Variants in TMEM167A observed in about 807,000 individuals in gnomAD.
TMEM167A encodes the protein protein kish-A.
TMEM167A carries 8 observed loss-of-function variants against 11.6 expected under a neutral mutation model. That is an observed-to-expected ratio of 0.69 (90% CI 0.40 to 1.24). TMEM167A has a LOEUF of 1.24. TMEM167A is among the 50% of genes most tolerant of loss of function. The probability of loss-of-function intolerance (pLI) is 0.01; values close to 1 mark genes in which losing one functional copy is unlikely to be tolerated. For missense variants in TMEM167A, 62 were observed against 87.0 expected (o/e 0.71, Z 1.14); for synonymous variants, 22 against 28.0 (o/e 0.79, Z 0.67).
In TMEM167A at chr5:83,062,554, G is replaced by A. The variant is rs372164642; in HGVS notation, c.114-643C>T. On this transcript the variant is annotated intron_variant, in intron 2 of 3. Coordinates refer to ENST00000502346, the MANE Select transcript of TMEM167A (RefSeq NM_174909.5). ...CTCTGGGAATAAGTATTAGAATGGA[G>A]ATATATATTTCAACTGTATGAATGA... is the stretch of plus-strand genomic sequence containing the variant. Among the ~76,000 whole-genome samples the A allele has an allele frequency of 5.3e-5, 8 of 152,018 alleles. No homozygotes were observed. In the East Asian group the frequency reaches 1.2e-3, roughly 22 times the overall value.
At chr5:83,071,450 T>C (rs2086305177) in intron 1 of TMEM167A, 1 of 152,198 alleles carries the variant, frequency 6.6e-6, no homozygotes, top group Non-Finnish European at 1.5e-5. Flanking sequence ...ATCAAAATTA[T>C]TCAGCATTAG....
intron 1 of TMEM167A, among the ~76,000 whole-genome samples, chr5:83,076,501 T>C (rs992583884): frequency 6.6e-6 from 1 of 152,242 alleles, no homozygotes; most frequent in Admixed American, 6.5e-5. Context: ...TCAACTGCCA[T>C]CTTCCCACCA....
In TMEM167A at chr5:83,054,082, T is replaced by C. The variant is rs895147196; in HGVS notation, c.*3002A>G. ...CTGTAAACTTGGAAAAGTTAATTTATTCAATCTCTATTTTGTCCTAACTAG... is the reference window on the plus strand; with the variant it reads ...CTGTAAACTTGGAAAAGTTAATTTACTCAATCTCTATTTTGTCCTAACTAG... On this transcript the variant is annotated 3_prime_UTR_variant, in exon 4 of 4. Coordinates refer to ENST00000502346, the MANE Select transcript of TMEM167A (RefSeq NM_174909.5). 1 of 152,048 alleles carries C rather than the reference T, an allele frequency of 6.6e-6. No individual in the cohort carries two copies. The highest frequency in any genetic ancestry group is 2.4e-5 in the African/African-American group (1 of 41,434). The allele number at this position is 152,048 out of a possible 1,614,324, so 9.4% of individuals were successfully genotyped here.
At chr5:83,063,993 T>C (rs189334644) in intron 2 of TMEM167A, among the ~76,000 whole-genome samples, 17 of 152,148 alleles carry the variant, frequency 1.1e-4, no homozygotes, top group African/African-American at 3.9e-4. Context: ...TAATAAAAGA[T>C]TACGAGTCTC....
intron 3 of TMEM167A, 142 bp downstream of exon 3, chr5:83,061,735 C>T (rs933678040): frequency 1.0e-5 from 8 of 790,510 alleles, no homozygotes; most frequent in Non-Finnish European, 1.7e-5. Context: ...GAGCTTGGTA[C>T]AACTTATAAA....
intron 3 of TMEM167A, among the ~76,000 whole-genome samples, chr5:83,057,648 T>C (rs1744351340): frequency 6.6e-6 from 1 of 152,024 alleles, no homozygotes; most frequent in Non-Finnish European, 1.5e-5. Flanking sequence ...GAGAGGATGG[T>C]CAATAAAACT....
chr5:83,076,734 A>G (rs1165496705), intron 1 of TMEM167A, among the ~76,000 whole-genome samples: 1 of 152,242 alleles, frequency 6.6e-6, no homozygotes, highest in Non-Finnish European at 1.5e-5. Flanking sequence ...CTGAGGCTAG[A>G]CACCACTCCA....
intron 1 of TMEM167A, among the ~76,000 whole-genome samples, chr5:83,074,155 C>G (rs140335709): frequency 1.0e-3 from 157 of 152,322 alleles, no homozygotes; most frequent in South Asian, 1.9e-3. Flanking sequence ...ATCTTTCTAG[C>G]CTCATCTATC....
At chr5:83,069,264 A>T (rs1184560583) in intron 1 of TMEM167A, among the ~76,000 whole-genome samples, 1 of 152,064 alleles carries the variant, frequency 6.6e-6, no homozygotes, top group Admixed American at 6.6e-5. Context: ...CATTCCCCTT[A>T]ATGCTTAGCA....
At position 83,067,658 on chromosome 5, in the gene TMEM167A, C is replaced by T. The variant is rs181622345; in HGVS notation, c.4-2541G>A. 1.9e-3 allele frequency among the ~76,000 whole-genome samples: 282 copies of T among 151,882 alleles called. 3 individuals are homozygous for T. Among genetic ancestry groups the T allele is most frequent in the African/African-American group, 6.3e-3 (262 of 41,282 alleles). On this transcript the variant is annotated intron_variant, in intron 1 of 3. Transcript: ENST00000502346. ...TAGCTAGGATTACAGTCATGCTCCA[C>T]TACGCCTGGCTAAATTTTGTATTTT...
chr5:83,067,249 C>CAACA (rs1554050734), intron 1 of TMEM167A, among the ~76,000 whole-genome samples: 10 of 151,194 alleles, frequency 6.6e-5, no homozygotes, highest in Admixed American at 1.3e-4. Flanking sequence ...ATCTTAAAAA[C>CAACA]AAAAAAATGG....
intron 1 of TMEM167A, among the ~76,000 whole-genome samples, chr5:83,075,204 G>A (rs1744623948): frequency 6.6e-6 from 1 of 152,134 alleles, no homozygotes; most frequent in Admixed American, 6.5e-5. Flanking sequence ...GATACTGGAA[G>A]TATACATATG....
chr5:83,056,642 T>A lies in TMEM167A; in HGVS notation c.*442A>T. On this transcript the variant is annotated 3_prime_UTR_variant, in exon 4 of 4. Transcript: ENST00000502346. ...CAGAGGAAAAGCAAGCACTATTAAA[T>A]ATTAATGCAATCCTTATCAACACAA... The A allele has an allele frequency of 1.4e-5, 3 of 210,544 alleles. No homozygotes were observed. The South Asian group carries it at 2.1e-4, about 15-fold the overall frequency. 13.0% of individuals were successfully genotyped at this position (210,544 alleles called of 1,614,324 possible).
At chr5:83,057,286 C>A in intron 3 of TMEM167A, 132 bp from the exon 4 acceptor site, 1 of 704,232 alleles carries the variant, frequency 1.4e-6, no homozygotes, top group Non-Finnish European at 2.4e-6. Context: ...GGGGCAGTGA[C>A]AAAAACTAGA....
intron 3 of TMEM167A, among the ~76,000 whole-genome samples, chr5:83,057,795 A>C (rs1235568459): frequency 6.6e-6 from 1 of 152,148 alleles, no homozygotes; most frequent in Non-Finnish European, 1.5e-5. Context: ...TTTCACATGC[A>C]TTTAAGGAAT....
intron 1 of TMEM167A, among the ~76,000 whole-genome samples, chr5:83,073,768 TC>T (rs1744597738): frequency 6.6e-6 from 1 of 152,244 alleles, no homozygotes; most frequent in Non-Finnish European, 1.5e-5. Flanking sequence ...TGGAGTTTCT[TC>T]CTCATACACG....
rs183043382 is a variant in TMEM167A, at chr5:83,066,327, A to C, written c.4-1210T>G. On this transcript the variant is annotated intron_variant, in intron 1 of 3. Transcript: ENST00000502346. ...GGAATGAAACAAAGAATGACTCATG[A>C]GAAAACTTAGTTACACAAAATTGGT... Among the ~76,000 whole-genome samples, 429 of 152,336 alleles carry C rather than the reference A, an allele frequency of 2.8e-3. 3 individuals carry two copies. Among genetic ancestry groups the C allele is most frequent in the African/African-American group, 9.9e-3 (410 of 41,586 alleles).
chr5:83,070,655 T>A (rs1744546336), intron 1 of TMEM167A, among the ~76,000 whole-genome samples: 1 of 152,198 alleles, frequency 6.6e-6, no homozygotes, highest in African/African-American at 2.4e-5. Context: ...GGTCTAGACA[T>A]GAAATTACTT....
Position 83,055,323 on chromosome 5 carries a change from C to T in TMEM167A, c.*1761G>A, listed in dbSNP as rs745477756. The T allele has an allele frequency of 6.6e-6, 1 of 151,880 alleles. No individual in the cohort carries two copies. The highest frequency in any genetic ancestry group is 1.5e-5 in the Non-Finnish European group (1 of 67,908). The allele number at this position is 151,880 out of a possible 1,614,324, so 9.4% of individuals were successfully genotyped here. A position where few individuals can be genotyped will look rare whatever the true frequency, so the allele number is the denominator to read the frequency against. ...ATAAAAAATTAGTTGACATGGCTTT[C>T]GGAAAGTCCAGTTGGCAGCAGAGCT... On this transcript the variant is annotated 3_prime_UTR_variant, in exon 4 of 4. Coordinates refer to ENST00000502346, the MANE Select transcript of TMEM167A (RefSeq NM_174909.5).
Sources: allele counts gnomAD v4.1 joint callset (sites outside exome capture counted in the v4.1 genomes callset), GRCh38; gene constraint gnomAD v4.1.1; transcripts MANE v1.5; gene names NCBI Gene and HGNC (gene_info 2026-07-23, HGNC 2026-07-21).